ADGRL3: variants seen among roughly 807,000 people sequenced by gnomAD.
ADGRL3 encodes the protein calcium-independent alpha-latrotoxin receptor 3.
ADGRL3 carries 62 observed loss-of-function variants against 153.5 expected under a neutral mutation model. The observed-to-expected ratio is 0.40, with a 90% CI of 0.33 to 0.50. The LOEUF (loss-of-function observed/expected upper bound fraction) is 0.50, where lower values mean the gene tolerates loss of function less well. ADGRL3 is among the 20% of genes least tolerant of loss of function. The pLI is 0.47. For missense variants in ADGRL3, 1,641 were observed against 1,859.4 expected, an observed-to-expected ratio of 0.88 and a Z score of 2.16; for synonymous variants, 710 against 672.5, an observed-to-expected ratio of 1.06 and a Z score of -0.86.
intron 8 of ADGRL3, among the ~76,000 whole-genome samples, chr4:61,739,434 G>A (rs1037165544): frequency 1.3e-5 from 2 of 151,990 alleles, no homozygotes; most frequent in African/African-American, 4.8e-5. Context: ...TCAGCCCCCT[G>A]AGTAGCTTGA....
At chr4:61,904,598 G>A (rs2098686541) in intron 11 of ADGRL3, among the ~76,000 whole-genome samples, 1 of 151,562 alleles carries the variant, frequency 6.6e-6, no homozygotes. Context: ...AATTGCATAG[G>A]CCTTCTTTTC....
chr4:61,319,286 C>T (rs529397909), intron 1 of ADGRL3, among the ~76,000 whole-genome samples: 1 of 152,144 alleles, frequency 6.6e-6, no homozygotes, highest in Non-Finnish European at 1.5e-5. Flanking sequence ...TCAGTCCTCC[C>T]TACAACCACT....
At chr4:61,724,188 C>T (rs888386872) in intron 6 of ADGRL3, among the ~76,000 whole-genome samples, 3 of 152,120 alleles carry the variant, frequency 2.0e-5, no homozygotes, top group African/African-American at 7.2e-5. Flanking sequence ...AGTAACAAAT[C>T]ATTGTAACAA....
At position 62,077,992 on chromosome 4, in the gene ADGRL3, T is replaced by C. The variant is rs1398326169; in HGVS notation, c.*7084T>C. 1 of 151,990 alleles carries C rather than the reference T, an allele frequency of 6.6e-6. No homozygotes were observed. The highest frequency in any genetic ancestry group is 2.4e-5 in the African/African-American group (1 of 41,438). 9.4% of individuals were successfully genotyped at this position (151,990 alleles called of 1,614,324 possible). ...AAGTGGATGGATAACTTGGAACTTT[T>C]TCCATACTGTTTTCCCCCTCACCAA... is the stretch of plus-strand genomic sequence containing the variant. On this transcript the variant is annotated 3_prime_UTR_variant, in exon 27 of 27. Transcript: ENST00000683033.
At chr4:61,494,056 T>C (rs2098285212) in intron 2 of ADGRL3, among the ~76,000 whole-genome samples, 1 of 151,662 alleles carries the variant, frequency 6.6e-6, no homozygotes, top group African/African-American at 2.4e-5. Context: ...CTCTATCTTG[T>C]GACTTCATTT....
chr4:61,836,102 C>T (rs1031256233), intron 9 of ADGRL3, among the ~76,000 whole-genome samples: 4 of 152,084 alleles, frequency 2.6e-5, no homozygotes, highest in African/African-American at 7.2e-5. Context: ...AAAAGCTTAA[C>T]GTTGTTACCA....
chr4:61,495,811 T>G (rs1321244906), intron 2 of ADGRL3, among the ~76,000 whole-genome samples: 1 of 152,210 alleles, frequency 6.6e-6, no homozygotes. Flanking sequence ...CATGTTTTCT[T>G]CAATATTCTA....
chr4:61,618,368 T>C (rs964314538), intron 5 of ADGRL3, among the ~76,000 whole-genome samples: 4 of 152,198 alleles, frequency 2.6e-5, no homozygotes, highest in African/African-American at 9.6e-5. Context: ...GGGCATAAAG[T>C]TACTGTATCA....
At position 61,386,261 on chromosome 4, in the gene ADGRL3, T is replaced by C. The variant is rs79460502; in HGVS notation, c.-174+3072T>C. Among the ~76,000 whole-genome samples the C allele has an allele frequency of 5.7e-3, 862 of 152,260 alleles. 8 individuals are homozygous for C. The highest frequency in any genetic ancestry group is 0.019 in the African/African-American group (802 of 41,552). ...GCTGATATTTCCCCTAATTCTATTA[T>C]AGGTTATTTTTCAGTTTCATTATAT... is the stretch of plus-strand genomic sequence containing the variant. On this transcript the variant is annotated intron_variant, in intron 2 of 26. Coordinates refer to ENST00000683033, the MANE Select transcript of ADGRL3 (RefSeq NM_001387552.1).
intron 6 of ADGRL3, among the ~76,000 whole-genome samples, chr4:61,699,315 T>C (rs1359293312): frequency 2.0e-5 from 3 of 151,700 alleles, no homozygotes; most frequent in Admixed American, 2.0e-4. Flanking sequence ...AGGATGTAAA[T>C]TTTTTTAAAA....
At chr4:61,821,512 AC>A (rs921405115) in intron 9 of ADGRL3, among the ~76,000 whole-genome samples, 13 of 151,848 alleles carry the variant, frequency 8.6e-5, no homozygotes, top group Non-Finnish European at 1.9e-4. Flanking sequence ...ACAGGCATGC[AC>A]CACCATGCCT....
chr4:61,876,758 A>T (rs2098477757), intron 9 of ADGRL3, among the ~76,000 whole-genome samples: 1 of 151,758 alleles, frequency 6.6e-6, no homozygotes, highest in Non-Finnish European at 1.5e-5. Context: ...AAATAAAATA[A>T]AATGGGGAGG....
chr4:61,912,892 G>C (rs777636086), intron 13 of ADGRL3, 135 bp downstream of exon 13: 14 of 786,446 alleles, frequency 1.8e-5, no homozygotes, highest in Non-Finnish European at 2.5e-5. Flanking sequence ...AGAAGGGTGG[G>C]AACAGAAAGC....
At chr4:61,454,867 T>A (rs1041570038) in intron 2 of ADGRL3, among the ~76,000 whole-genome samples, 4 of 152,142 alleles carry the variant, frequency 2.6e-5, no homozygotes, top group Non-Finnish European at 5.9e-5. Context: ...GTCTTTGGAA[T>A]TGACTTTGTT....
At chr4:61,522,292 T>C (rs2098536169) in intron 4 of ADGRL3, among the ~76,000 whole-genome samples, 1 of 152,102 alleles carries the variant, frequency 6.6e-6, no homozygotes. Context: ...AAGAGTAATC[T>C]CCCTGTGTCT....
At position 62,068,185 on chromosome 4, in the gene ADGRL3, T is replaced by C; in HGVS notation, c.3832+2T>C. On this transcript the variant is annotated splice_donor_variant, in intron 26 of 26. Transcript: ENST00000683033. LOFTEE classifies it high-confidence loss of function. The stretch of plus-strand genomic sequence containing the variant: ...GTTTAGAGCCCTACAGAGAGACAAG[T>C]ATGGGAGTAAAGCTAAACATTGCAT... The C allele has an allele frequency of 6.3e-7, 1 of 1,585,514 alleles. No individual in the cohort carries two copies. Among genetic ancestry groups the C allele is most frequent in the Non-Finnish European group, 8.5e-7 (1 of 1,173,350 alleles).
chr4:61,931,977 A>G lies in ADGRL3; in HGVS notation c.2113-2863A>G, dbSNP rs186562434. On this transcript the variant is annotated intron_variant, in intron 13 of 26. Transcript: ENST00000683033. Reference sequence around the variant, plus strand: ...CAGTCTGTTGTAAACAGGTTCCTGAATCTGTTCATTAGTTTATATATATAT... The same window carrying G: ...CAGTCTGTTGTAAACAGGTTCCTGAGTCTGTTCATTAGTTTATATATATAT... Among the ~76,000 whole-genome samples, 252 of 152,212 alleles carry G rather than the reference A, an allele frequency of 1.7e-3. No homozygotes were observed. The Middle Eastern group carries it at 0.024, about 14-fold the overall frequency.
At chr4:61,850,299 G>A (rs896518632) in intron 9 of ADGRL3, among the ~76,000 whole-genome samples, 2 of 151,896 alleles carry the variant, frequency 1.3e-5, no homozygotes, top group Non-Finnish European at 2.9e-5. Context: ...ATTAAATATC[G>A]GTTGGTGCAA....
At chr4:61,565,869 TGCTACTACTAAAATGATCC>T (rs1267859949) in intron 4 of ADGRL3, among the ~76,000 whole-genome samples, 1 of 152,180 alleles carries the variant, frequency 6.6e-6, no homozygotes, top group East Asian at 1.9e-4. Context: ...AGATTAGCAA[TGCTACTACTAAAATGATCC>T]TTTTCCACCC....
Sources: gnomAD v4.1 joint callset for allele counts (sites outside exome capture counted in the v4.1 genomes callset) on GRCh38, gnomAD v4.1.1 for gene constraint, MANE v1.5 for transcripts, NCBI Gene and HGNC (gene_info 2026-07-23, HGNC 2026-07-21) for gene names.